Variants in HS6ST1 observed in about 807,000 individuals in gnomAD.
HS6ST1 encodes the protein heparan-sulfate 6-O-sulfotransferase 1.
In HS6ST1, 3 loss-of-function variants were observed where a neutral mutation model predicts 25.2. That is an observed-to-expected ratio of 0.12 (90% CI 0.05 to 0.31). The LOEUF is 0.31. Among genes scored for constraint, HS6ST1 ranks in the 10% least tolerant of loss-of-function variants. The pLI, the probability that HS6ST1 is intolerant of heterozygous loss-of-function variation, is 1.00. For synonymous variants in HS6ST1, 204 were observed against 275.1 expected, an observed-to-expected ratio of 0.74 and a Z score of 2.56; for missense variants, 310 against 609.6, an observed-to-expected ratio of 0.51 and a Z score of 5.18.
chr2:128,272,411 C>T (rs942073409), intron 1 of HS6ST1, among the ~76,000 whole-genome samples: 2 of 152,232 alleles, frequency 1.3e-5, no homozygotes, highest in African/African-American at 4.8e-5. Flanking sequence ...GCCCAGAGCA[C>T]CCAGCAGGCA....
At chr2:128,317,982 A>T in intron 1 of HS6ST1, 55 bp downstream of exon 1, 2 of 1,392,792 alleles carry the variant, frequency 1.4e-6, no homozygotes, top group Non-Finnish European at 1.8e-6. Context: ...CGGCGGGCAT[A>T]CGGCCCGGCC....
intron 1 of HS6ST1, among the ~76,000 whole-genome samples, chr2:128,288,737 T>G (rs1468302975): frequency 1.3e-5 from 2 of 151,190 alleles, no homozygotes; most frequent in African/African-American, 2.4e-5. Flanking sequence ...GGTAGGAGAG[T>G]CAGGGAGGCC....
intron 1 of HS6ST1, among the ~76,000 whole-genome samples, chr2:128,303,906 G>A (rs990801126): frequency 3.9e-5 from 6 of 152,210 alleles, no homozygotes; most frequent in East Asian, 1.9e-4. Context: ...CTTCTCCAGC[G>A]TGAGCAGAGA....
chr2:128,280,170 G>A (rs550759143), intron 1 of HS6ST1, among the ~76,000 whole-genome samples: 9 of 152,314 alleles, frequency 5.9e-5, no homozygotes, highest in East Asian at 5.8e-4. Context: ...CAAGCAGTCC[G>A]GCTTCTGCCC....
chr2:128,293,142 G>T (rs1169975470), intron 1 of HS6ST1, among the ~76,000 whole-genome samples: 3 of 152,132 alleles, frequency 2.0e-5, no homozygotes, highest in African/African-American at 4.8e-5. Context: ...GCATGCAGTG[G>T]GGCCCAAACC....
intron 1 of HS6ST1, among the ~76,000 whole-genome samples, chr2:128,276,671 A>C (rs1262778052): frequency 1.3e-5 from 2 of 152,172 alleles, no homozygotes; most frequent in African/African-American, 2.4e-5. Flanking sequence ...AAAGAAAGGA[A>C]GAAAGACAAA....
chr2:128,312,841 C>A (rs1694311781), intron 1 of HS6ST1, among the ~76,000 whole-genome samples: 1 of 152,178 alleles, frequency 6.6e-6, no homozygotes, highest in African/African-American at 2.4e-5. Context: ...GGGCAGATCA[C>A]CTGAGGTCCC....
At chr2:128,289,037 G>A (rs1407144966) in intron 1 of HS6ST1, among the ~76,000 whole-genome samples, 4 of 152,104 alleles carry the variant, frequency 2.6e-5, no homozygotes, top group South Asian at 2.1e-4. Context: ...ACACAGAGGC[G>A]GCCGCGGAGA....
intron 1 of HS6ST1, among the ~76,000 whole-genome samples, chr2:128,293,972 T>C (rs1693997115): frequency 6.6e-6 from 1 of 152,156 alleles, no homozygotes; most frequent in Non-Finnish European, 1.5e-5. Flanking sequence ...GGGTCCATGC[T>C]GAGACCACGC....
At chr2:128,276,132 AATT>A (rs927284227) in intron 1 of HS6ST1, among the ~76,000 whole-genome samples, 1 of 152,120 alleles carries the variant, frequency 6.6e-6, no homozygotes, top group Non-Finnish European at 1.5e-5. Context: ...TACATGTTGA[AATT>A]ATTATTATTA....
At chr2:128,298,798 T>C (rs376460918) in intron 1 of HS6ST1, among the ~76,000 whole-genome samples, 20 of 152,300 alleles carry the variant, frequency 1.3e-4, no homozygotes, top group South Asian at 8.3e-4. Flanking sequence ...ATGGTTAGAA[T>C]GGTAAATTTT....
intron 1 of HS6ST1, among the ~76,000 whole-genome samples, chr2:128,287,197 C>T (rs1010430945): frequency 1.3e-5 from 2 of 152,232 alleles, no homozygotes; most frequent in Non-Finnish European, 2.9e-5. Context: ...AAGCGCCCAA[C>T]CCCTCCTGGT....
At chr2:128,294,527 G>A (rs748565128) in intron 1 of HS6ST1, among the ~76,000 whole-genome samples, 1 of 152,194 alleles carries the variant, frequency 6.6e-6, no homozygotes, top group Non-Finnish European at 1.5e-5. Flanking sequence ...CAATAGGTTG[G>A]TGGCCCAGGT....
intron 1 of HS6ST1, among the ~76,000 whole-genome samples, chr2:128,291,529 G>C (rs976280783): frequency 6.6e-6 from 1 of 152,224 alleles, no homozygotes; most frequent in African/African-American, 2.4e-5. Flanking sequence ...GTGCGTCAGC[G>C]GGAGCAGCTG....
intron 1 of HS6ST1, among the ~76,000 whole-genome samples, chr2:128,280,254 A>C (rs779148485): frequency 6.6e-6 from 1 of 152,218 alleles, no homozygotes; most frequent in Non-Finnish European, 1.5e-5. Context: ...TGAGCGCCCC[A>C]CTTGGGGCGG....
At chr2:128,297,324 T>G (rs1312372875) in intron 1 of HS6ST1, among the ~76,000 whole-genome samples, 1 of 152,176 alleles carries the variant, frequency 6.6e-6, no homozygotes, top group African/African-American at 2.4e-5. Context: ...GATTTCCACA[T>G]GTAAAAGAAG....
At chr2:128,312,225 C>A (rs769267421) in intron 1 of HS6ST1, among the ~76,000 whole-genome samples, 1 of 152,230 alleles carries the variant, frequency 6.6e-6, no homozygotes, top group African/African-American at 2.4e-5. Context: ...GGGCTGGGTG[C>A]GGCATACAGC....
intron 1 of HS6ST1, among the ~76,000 whole-genome samples, chr2:128,316,221 GC>G (rs903517323): frequency 6.6e-6 from 1 of 152,248 alleles, no homozygotes; most frequent in African/African-American, 2.4e-5. Flanking sequence ...GGCGTGCGGG[GC>G]TGCAGGAAGA....
intron 1 of HS6ST1, among the ~76,000 whole-genome samples, chr2:128,286,252 C>T (rs1316940090): frequency 1.3e-5 from 2 of 152,244 alleles, no homozygotes; most frequent in African/African-American, 4.8e-5. Flanking sequence ...ATTCCTATTC[C>T]TCCCTCCCAG....
Sources: allele counts gnomAD v4.1 joint callset (sites outside exome capture counted in the v4.1 genomes callset), GRCh38; gene constraint gnomAD v4.1.1; transcripts MANE v1.5; gene names NCBI Gene and HGNC (gene_info 2026-07-23, HGNC 2026-07-21).